Variants in ASMT observed in about 807,000 individuals in gnomAD.
The protein encoded by ASMT is acetylserotonin O-methyltransferase.
ASMT carries 53 observed loss-of-function variants against 41.3 expected under a neutral mutation model. The observed-to-expected ratio is 1.28, with a 90% CI of 1.03 to 1.61. The LOEUF is 1.61. ASMT is among the 40% of genes most tolerant of loss of function. The pLI, the probability that ASMT is intolerant of heterozygous loss-of-function variation, is 0.00. For missense variants in ASMT, 531 were observed against 441.3 expected, an observed-to-expected ratio of 1.20 and a Z score of -1.82; for synonymous variants, 231 against 184.8, an observed-to-expected ratio of 1.25 and a Z score of -2.03.
In ASMT at chrX:1,623,137, AGGTTCTCTTCGCC is replaced by A; in HGVS notation, c.70_82del (p.Val24ProfsTer26). On this transcript the variant is annotated splice_acceptor_variant and coding_sequence_variant, in exon 2 of 9. Transcript: ENST00000381241. LOFTEE classifies it high-confidence loss of function. ...ACCTTTTATTTCCGCTCCTGCTCCAAGGTTCTCTTCGCCGCCTGCGAGCTGGGCGTGTTTGACC... is the reference window on the plus strand; with the variant it reads ...ACCTTTTATTTCCGCTCCTGCTCCAAGCCTGCGAGCTGGGCGTGTTTGACC... 1 of 1,612,338 alleles carries A rather than the reference AGGTTCTCTTCGCC, an allele frequency of 6.2e-7. No individual in the cohort carries two copies. The highest frequency in any genetic ancestry group is 8.5e-7 in the Non-Finnish European group (1 of 1,179,798).
intron 7 of ASMT, among the ~76,000 whole-genome samples, chrX:1,634,942 A>G (rs1934902763): frequency 6.7e-6 from 1 of 150,142 alleles, no homozygotes; most frequent in East Asian, 2.0e-4. Context: ...TGGGGATTAC[A>G]GGAGTGAGCC....
chrX:1,619,813 C>T (rs1277141262), intron 1 of ASMT, among the ~76,000 whole-genome samples: 5 of 151,532 alleles, frequency 3.3e-5, no homozygotes, highest in South Asian at 2.1e-4. Context: ...TAATACGGGC[C>T]GGGCGTGGTG....
At chrX:1,625,227 C>T (rs1414243013) in intron 3 of ASMT, among the ~76,000 whole-genome samples, 3 of 151,598 alleles carry the variant, frequency 2.0e-5, no homozygotes, top group African/African-American at 7.3e-5. Context: ...GCCTCAGCCT[C>T]CCAAGTAGCT....
chrX:1,635,740 T>A (rs1295588936), intron 7 of ASMT, among the ~76,000 whole-genome samples: 1 of 151,304 alleles, frequency 6.6e-6, no homozygotes, highest in African/African-American at 2.4e-5. Context: ...CGGGTGCCTG[T>A]AATCCCAGCT....
intron 1 of ASMT, 163 bp from the exon 2 acceptor site, chrX:1,622,976 G>A (rs1413693052): frequency 6.0e-6 from 1 of 165,858 alleles, no homozygotes; most frequent in African/African-American, 2.4e-5. Flanking sequence ...CCATAGTGGT[G>A]CAATCTCATT....
intron 1 of ASMT, among the ~76,000 whole-genome samples, chrX:1,621,075 G>A (rs1412729089): frequency 1.3e-5 from 2 of 152,070 alleles, no homozygotes; most frequent in South Asian, 2.1e-4. Context: ...CAGCCTGGGT[G>A]ACAGAGCGAG....
intron 1 of ASMT, among the ~76,000 whole-genome samples, chrX:1,619,759 A>C (rs1934271841): frequency 6.6e-6 from 1 of 151,826 alleles, no homozygotes. Flanking sequence ...GAATGAATAC[A>C]ACTTTAATGA....
intron 8 of ASMT, among the ~76,000 whole-genome samples, chrX:1,637,077 G>C (rs771615293): frequency 8.6e-5 from 9 of 105,218 alleles, no homozygotes; most frequent in South Asian, 6.1e-4. Flanking sequence ...CACAGCCTCT[G>C]TGTGTGAGAT....
At chrX:1,620,865 G>A (rs1257945005) in intron 1 of ASMT, among the ~76,000 whole-genome samples, 3 of 151,954 alleles carry the variant, frequency 2.0e-5, no homozygotes, top group African/African-American at 7.3e-5. Context: ...CTCCAGCCTG[G>A]CGACAGAGCG....
At chrX:1,616,714 C>CT (rs1328046490) in intron 1 of ASMT, among the ~76,000 whole-genome samples, 3 of 150,684 alleles carry the variant, frequency 2.0e-5, no homozygotes, top group African/African-American at 4.9e-5. Context: ...TCTACAAATT[C>CT]TTTTTTCTTT....
Position 1,642,828 on chromosome X carries a change from C to T in ASMT, c.936C>T (p.Ser312=). The change falls in exon 9 of 9, where the codon AGC becomes AGT. Residue 312 remains serine (S), a synonymous_variant. Transcript: ENST00000381241. The part of the protein sequence containing the change: ...KPGGGILVIE[S]LLDEDRRGPL... ...GTGGTGGCATTCTGGTAATTGAAAGCCTCCTGGATGAAGACAGGCGAGGTC... is the reference window on the plus strand; with the variant it reads ...GTGGTGGCATTCTGGTAATTGAAAGTCTCCTGGATGAAGACAGGCGAGGTC... 1 of 1,613,926 alleles carries T rather than the reference C, an allele frequency of 6.2e-7. No homozygotes were observed. The highest frequency in any genetic ancestry group is 1.1e-5 in the South Asian group (1 of 91,068).
intron 1 of ASMT, among the ~76,000 whole-genome samples, chrX:1,617,206 T>C (rs1419699668): frequency 1.3e-5 from 2 of 151,032 alleles, no homozygotes; most frequent in East Asian, 2.0e-4. Flanking sequence ...CGGTGGCTCA[T>C]GCCTGTCATC....
At chrX:1,633,420 C>T (rs1161763945) in intron 7 of ASMT, 130 bp downstream of exon 7, 1 of 1,054,106 alleles carries the variant, frequency 9.5e-7, no homozygotes, top group Middle Eastern at 2.4e-4. Context: ...CAACTCAACA[C>T]TGTCTGTTAT....
chrX:1,634,663 T>C (rs867688616), intron 7 of ASMT, among the ~76,000 whole-genome samples: 18 of 100,426 alleles, frequency 1.8e-4, no homozygotes, highest in East Asian at 7.1e-4. Context: ...ACCCCCCCCC[T>C]TTTTTTTTCT....
chrX:1,624,326 C>T lies in ASMT; in HGVS notation c.302C>T (p.Ser101Leu). 6.2e-7 allele frequency: 1 copy of T among 1,613,986 alleles called. No homozygotes were observed. The highest frequency in any genetic ancestry group is 1.1e-5 in the South Asian group (1 of 91,082). The change falls in exon 3 of 9, where the codon TCA (serine) becomes TTA (leucine). Residue 101 changes from serine to leucine, a missense_variant. Transcript: ENST00000381241. ...SDYLTTVSPT[S>L]QCSMLKYMGR... is the part of the protein sequence containing the mutation. ...TACCTGACCACGGTCAGCCCGACGT[C>T]ACAATGCAGCATGCTGAAGTACATG...
At chrX:1,616,323 G>C (rs778525274) in intron 1 of ASMT, among the ~76,000 whole-genome samples, 5 of 151,342 alleles carry the variant, frequency 3.3e-5, no homozygotes, top group Non-Finnish European at 7.4e-5. Context: ...GAATAACATC[G>C]TGCTCAGTGA....
At position 1,636,571 on chromosome X, in the gene ASMT, G is replaced by A. The variant is rs757613706; in HGVS notation, c.910+11G>A. The A allele has an allele frequency of 1.2e-6, 2 of 1,613,890 alleles. No individual in the cohort carries two copies. Among genetic ancestry groups the A allele is most frequent in the East Asian group, 2.2e-5 (1 of 44,888 alleles). ...ACACTTGCAAGCCAGGTAAGTTGTGGGGTTTGCATTTCAGCGTGTGCTTGT... is the reference window on the plus strand; with the variant it reads ...ACACTTGCAAGCCAGGTAAGTTGTGAGGTTTGCATTTCAGCGTGTGCTTGT... On this transcript the variant is annotated intron_variant, in intron 8 of 8. Coordinates refer to ENST00000381241, the MANE Select transcript of ASMT (RefSeq NM_001171038.2).
chrX:1,642,935 T>C lies in ASMT; in HGVS notation c.1043T>C (p.Leu348Pro). 3.7e-6 allele frequency: 6 copies of C among 1,614,002 alleles called. No homozygotes were observed. Among genetic ancestry groups the C allele is most frequent in the South Asian group, 1.1e-5 (1 of 91,078 alleles). Residue 348 changes from leucine to proline, a missense_variant, in exon 9 of 9, where the codon CTC (leucine) becomes CCC (proline). Physicochemically the swap from Leu to Pro is moderately conservative, Grantham distance 98. Coordinates refer to ENST00000381241, the MANE Select transcript of ASMT (RefSeq NM_001171038.2). The stretch of plus-strand genomic sequence containing the variant: ...AGGACCCCCACCCACTACCACATGC[T>C]CCTCTCTTCTGCTGGCTTCAGAGAC... Reference protein sequence around the residue: ...QERTPTHYHMLLSSAGFRDFQ... With the variant: ...QERTPTHYHMPLSSAGFRDFQ...
intron 3 of ASMT, among the ~76,000 whole-genome samples, chrX:1,626,145 C>T (rs1334988260): frequency 1.3e-5 from 2 of 151,222 alleles, no homozygotes; most frequent in African/African-American, 2.4e-5. Flanking sequence ...CTCTCCAGAA[C>T]GTAGATTTTC....
Sources: gnomAD v4.1 joint callset for allele counts (sites outside exome capture counted in the v4.1 genomes callset) on GRCh38, gnomAD v4.1.1 for gene constraint, MANE v1.5 for transcripts, NCBI Gene and HGNC (gene_info 2026-07-23, HGNC 2026-07-21) for gene names.